Variants in CCDC169 observed in about 807,000 individuals in gnomAD.
The protein encoded by CCDC169 is coiled-coil domain containing 169.
Under a neutral mutation model 36.0 loss-of-function variants are expected in CCDC169, and 30 were observed. That is an observed-to-expected ratio of 0.83 (90% confidence interval 0.62 to 1.13). The LOEUF (loss-of-function observed/expected upper bound fraction) is 1.13, where lower values mean the gene tolerates loss of function less well. Among genes scored for constraint, CCDC169 ranks in the 50% most tolerant of loss-of-function variants. CCDC169 has a pLI of 0.00. For synonymous variants in CCDC169, 85 were observed against 81.5 expected (o/e 1.04, Z -0.23); for missense variants, 245 against 245.9 (o/e 1.00, Z 0.03).
rs149314540 is a variant in CCDC169, at chr13:36,266,645, C to T, written c.316-12502G>A. Among the ~76,000 whole-genome samples the T allele has an allele frequency of 3.0e-3, 456 of 152,306 alleles. 4 individuals are homozygous for T. Among genetic ancestry groups the T allele is most frequent in the African/African-American group, 0.01 (428 of 41,560 alleles). Reference sequence around the variant, plus strand: ...TATGAGGCTACCACCAAGGCTTTCTCGTTTCACATACTTGTTAACAGTTCT... The same window carrying T: ...TATGAGGCTACCACCAAGGCTTTCTTGTTTCACATACTTGTTAACAGTTCT... On this transcript the variant is annotated intron_variant, in intron 4 of 7. Transcript: ENST00000239859.
At chr13:36,293,092 G>A (rs1879101150) in intron 2 of CCDC169, among the ~76,000 whole-genome samples, 2 of 144,368 alleles carry the variant, frequency 1.4e-5, no homozygotes. Flanking sequence ...GTGGAGAGGT[G>A]GTAGAGGTTT....
chr13:36,251,332 T>C (rs1259017347), intron 6 of CCDC169, among the ~76,000 whole-genome samples: 1 of 152,218 alleles, frequency 6.6e-6, no homozygotes, highest in Non-Finnish European at 1.5e-5. Flanking sequence ...TGGTTAGAAC[T>C]GTCCTTCACT....
intron 4 of CCDC169, among the ~76,000 whole-genome samples, chr13:36,266,406 T>G (rs1875321575): frequency 6.6e-6 from 1 of 152,096 alleles, no homozygotes. Context: ...TCAGGTAGAC[T>G]TGTAGACTCC....
intron 7 of CCDC169, among the ~76,000 whole-genome samples, chr13:36,232,971 G>T (rs1053219563): frequency 6.6e-6 from 1 of 152,154 alleles, no homozygotes; most frequent in Non-Finnish European, 1.5e-5. Flanking sequence ...GTAACTGTGG[G>T]TATGCATAGG....
At chr13:36,246,935 T>C (rs899465034) in intron 7 of CCDC169, among the ~76,000 whole-genome samples, 2 of 152,174 alleles carry the variant, frequency 1.3e-5, no homozygotes, top group Non-Finnish European at 2.9e-5. Context: ...CAGACATTCC[T>C]AGCTAGAGAG....
chr13:36,285,677 A>G (rs1311966009), intron 2 of CCDC169, among the ~76,000 whole-genome samples: 1 of 150,994 alleles, frequency 6.6e-6, no homozygotes, highest in Non-Finnish European at 1.5e-5. Context: ...ATTAGTATAC[A>G]GTCGTAACCA....
intron 4 of CCDC169, chr13:36,282,391 G>C (rs1877643702): frequency 1.0e-6 from 1 of 985,326 alleles, no homozygotes; most frequent in Non-Finnish European, 1.2e-6. Flanking sequence ...ACTGGATATA[G>C]GATTGTTGGA....
chr13:36,270,880 A>T (rs886926167), intron 4 of CCDC169, among the ~76,000 whole-genome samples: 8 of 152,248 alleles, frequency 5.3e-5, no homozygotes, highest in Non-Finnish European at 1.0e-4. Flanking sequence ...TTCATGACTA[A>T]GATGCAAAAA....
chr13:36,226,205 T>C (rs1223670015), downstream of CCDC169: 2 of 152,300 alleles, frequency 1.3e-5, no homozygotes, highest in South Asian at 4.1e-4. Context: ...AACAGTGGAC[T>C]GAGTAAAGAA....
intron 2 of CCDC169, among the ~76,000 whole-genome samples, chr13:36,285,626 G>GAT (rs1275416095): frequency 7.4e-6 from 1 of 135,712 alleles, no homozygotes; most frequent in South Asian, 2.4e-4. Flanking sequence ...TAGATACATA[G>GAT]ATACATAGAT....
chr13:36,254,139 G>T lies in CCDC169; in HGVS notation c.320C>A (p.Ser107Tyr). 6.6e-7 allele frequency: 1 copy of T among 1,512,546 alleles called. No homozygotes were observed. The highest frequency in any genetic ancestry group is 1.3e-5 in the South Asian group (1 of 77,060). The allele number at this position is 1,512,546 out of a possible 1,614,324, so 93.7% of individuals were successfully genotyped here. A position where few individuals can be genotyped will look rare whatever the true frequency, so the allele number is the denominator to read the frequency against. The change falls in exon 5 of 8, where the codon TCC becomes TAC. Residue 107 changes from serine to tyrosine, a missense_variant. Coordinates refer to ENST00000239859, the MANE Select transcript of CCDC169 (RefSeq NM_001144981.3). ...IRVYERMPVE[S>Y]LNTLLKQLEE... ...TAGCTGTTTAAGTAATGTGTTTAAG[G>T]ATTCCTAAAAATATAAATAGTAAAA...
intron 4 of CCDC169, among the ~76,000 whole-genome samples, chr13:36,275,249 AAAG>A (rs915555393): frequency 7.2e-5 from 11 of 152,202 alleles, no homozygotes; most frequent in Admixed American, 3.3e-4. Context: ...AACGCTTACA[AAAG>A]AAAAAACAGG....
intron 6 of CCDC169, among the ~76,000 whole-genome samples, chr13:36,248,952 T>C (rs972423183): frequency 1.3e-5 from 2 of 152,148 alleles, no homozygotes; most frequent in Non-Finnish European, 2.9e-5. Context: ...CTATGTGGTA[T>C]AGATCATTAA....
chr13:36,241,100 C>A (rs1010045871), intron 7 of CCDC169, among the ~76,000 whole-genome samples: 10 of 152,010 alleles, frequency 6.6e-5, no homozygotes, highest in Non-Finnish European at 1.2e-4. Context: ...CAGGCACTAT[C>A]CCTTTCTGCT....
chr13:36,255,129 T>C (rs993010472), intron 4 of CCDC169, among the ~76,000 whole-genome samples: 5 of 152,166 alleles, frequency 3.3e-5, no homozygotes, highest in Admixed American at 3.3e-4. Context: ...CTGTGAAAAC[T>C]GGAAGTGTCT....
At chr13:36,272,767 CAT>C (rs1566081331) in intron 4 of CCDC169, among the ~76,000 whole-genome samples, 1 of 152,192 alleles carries the variant, frequency 6.6e-6, no homozygotes, top group Non-Finnish European at 1.5e-5. Flanking sequence ...ATCTCACTCA[CAT>C]GTCTCTGTGT....
intron 4 of CCDC169, among the ~76,000 whole-genome samples, chr13:36,277,069 C>T (rs567693777): frequency 1.3e-5 from 2 of 152,170 alleles, no homozygotes; most frequent in East Asian, 3.9e-4. Context: ...AACCCAAATG[C>T]CCATCAATGA....
In CCDC169 at chr13:36,260,331, T is replaced by C. The variant is rs561657900; in HGVS notation, c.316-6188A>G. Among the ~76,000 whole-genome samples, 6 of 152,326 alleles carry C rather than the reference T, an allele frequency of 3.9e-5. No individual in the cohort carries two copies. The East Asian group carries it at 9.6e-4, about 24-fold the overall frequency. On this transcript the variant is annotated intron_variant, in intron 4 of 7. Transcript: ENST00000239859. ...AGAGGATGTCCTACTGTTAACTGTA[T>C]ACTCTCAGTCGATTTTTACTTCCTG...
At chr13:36,253,417 CAA>C (rs1873424125) in intron 6 of CCDC169, among the ~76,000 whole-genome samples, 1 of 117,968 alleles carries the variant, frequency 8.5e-6, no homozygotes, top group Non-Finnish European at 2.0e-5. Context: ...TGGCTCACTG[CAA>C]CCTCTGCCTT....
Sources: gnomAD v4.1 joint callset for allele counts (sites outside exome capture counted in the v4.1 genomes callset) on GRCh38, gnomAD v4.1.1 for gene constraint, MANE v1.5 for transcripts, NCBI Gene and HGNC (gene_info 2026-07-23, HGNC 2026-07-21) for gene names.